Variants in SPATA6 observed in about 807,000 individuals in gnomAD.
SPATA6 encodes spermatogenesis associated 6.
A neutral mutation model predicts 65.3 loss-of-function variants in SPATA6; 56 were observed. That is an observed-to-expected ratio of 0.86 (90% CI 0.69 to 1.07). The LOEUF is 1.07. Ranked by LOEUF, SPATA6 falls within the 50% of genes least tolerant of loss-of-function variation. The probability of loss-of-function intolerance (pLI) is 0.00; values close to 1 mark genes in which losing one functional copy is unlikely to be tolerated. For missense variants in SPATA6, 590 were observed against 594.8 expected (o/e 0.99, Z 0.08); for synonymous variants, 199 against 213.2 (o/e 0.93, Z 0.58).
In SPATA6 at chr1:48,297,848, A is replaced by G. The variant is rs548321063; in HGVS notation, c.*865T>C. The G allele has an allele frequency of 6.6e-6, 1 of 151,154 alleles. No individual in the cohort carries two copies. Among genetic ancestry groups the G allele is most frequent in the Admixed American group, 6.6e-5 (1 of 15,180 alleles). 9.4% of individuals were successfully genotyped at this position (151,154 alleles called of 1,614,324 possible). Reference sequence around the variant, plus strand: ...TGTGGTTCCAAGTGTTTTTTTTTTTAAAGTGAGGATACTATAATAGTGCCT... The same window carrying G: ...TGTGGTTCCAAGTGTTTTTTTTTTTGAAGTGAGGATACTATAATAGTGCCT... On this transcript the variant is annotated 3_prime_UTR_variant, in exon 13 of 13. Transcript: ENST00000371847.
chr1:48,397,519 G>A (rs894333988), intron 7 of SPATA6, among the ~76,000 whole-genome samples: 10 of 151,526 alleles, frequency 6.6e-5, no homozygotes, highest in African/African-American at 2.2e-4. Context: ...TTGGAAGCAC[G>A]CTAATTGATT....
the SPATA6 span, among the ~76,000 whole-genome samples, chr1:48,277,542 C>T: frequency 2.6e-4 from 39 of 152,324 alleles, no homozygotes; most frequent in Middle Eastern, 3.4e-3. Context: ...GCACTTGGCT[C>T]GGAGGGTCCT....
At chr1:48,400,052 G>T (rs1651016049) in intron 6 of SPATA6, among the ~76,000 whole-genome samples, 1 of 151,894 alleles carries the variant, frequency 6.6e-6, no homozygotes, top group Non-Finnish European at 1.5e-5. Flanking sequence ...AAAAATACAT[G>T]CCAGATTAGT....
chr1:48,333,468 C>T (rs1354658475), intron 11 of SPATA6, among the ~76,000 whole-genome samples: 2 of 152,296 alleles, frequency 1.3e-5, no homozygotes, highest in East Asian at 3.9e-4. Context: ...TATCATGAGA[C>T]ACCTTGTAAT....
intron 11 of SPATA6, among the ~76,000 whole-genome samples, chr1:48,330,393 G>A (rs540383623): frequency 1.2e-4 from 19 of 152,214 alleles, no homozygotes; most frequent in Non-Finnish European, 2.1e-4. Context: ...TGGAGGGTGC[G>A]GCTTCCAGTT....
intron 1 of SPATA6, among the ~76,000 whole-genome samples, chr1:48,466,809 G>C (rs1379350327): frequency 2.0e-5 from 3 of 151,990 alleles, no homozygotes; most frequent in Non-Finnish European, 4.4e-5. Context: ...ATTCAGATGA[G>C]TAGTGACTGA....
chr1:48,281,415 G>A, the SPATA6 span, among the ~76,000 whole-genome samples: 1 of 152,118 alleles, frequency 6.6e-6, no homozygotes. Flanking sequence ...CAGATGACAT[G>A]ATTATATATC....
intron 11 of SPATA6, among the ~76,000 whole-genome samples, chr1:48,330,267 A>C (rs1191943445): frequency 6.6e-6 from 1 of 151,740 alleles, no homozygotes; most frequent in East Asian, 1.9e-4. Flanking sequence ...CTGTTGTCAC[A>C]TGAAACATCC....
intron 3 of SPATA6, among the ~76,000 whole-genome samples, chr1:48,445,211 T>C (rs183805822): frequency 2.6e-5 from 4 of 152,330 alleles, no homozygotes; most frequent in African/African-American, 9.6e-5. Context: ...CTTTATATTT[T>C]ATTTAAATGG....
At chr1:48,393,720 TG>T (rs1276479936) in intron 8 of SPATA6, among the ~76,000 whole-genome samples, 1 of 152,116 alleles carries the variant, frequency 6.6e-6, no homozygotes, top group Non-Finnish European at 1.5e-5. Context: ...TTCTGAAGAC[TG>T]AAAATTAGAA....
intron 12 of SPATA6, among the ~76,000 whole-genome samples, chr1:48,304,146 A>G (rs1645003828): frequency 6.6e-6 from 1 of 152,312 alleles, no homozygotes; most frequent in East Asian, 1.9e-4. Context: ...ATAAAACTAA[A>G]ATAATATCCT....
chr1:48,393,998 G>T (rs1233428722), intron 8 of SPATA6, among the ~76,000 whole-genome samples: 1 of 151,980 alleles, frequency 6.6e-6, no homozygotes, highest in Non-Finnish European at 1.5e-5. Context: ...TACAAATTCA[G>T]TCCATAATAA....
chr1:48,449,348 G>C (rs749492950), intron 3 of SPATA6, among the ~76,000 whole-genome samples: 1 of 152,104 alleles, frequency 6.6e-6, no homozygotes, highest in Non-Finnish European at 1.5e-5. Flanking sequence ...ATCACTAAAC[G>C]TAAAACAATC....
intron 9 of SPATA6, among the ~76,000 whole-genome samples, chr1:48,378,380 C>T (rs1436398667): frequency 1.3e-5 from 2 of 152,144 alleles, no homozygotes; most frequent in Non-Finnish European, 2.9e-5. Flanking sequence ...GCTTATATCT[C>T]TAGGGAAATA....
intron 9 of SPATA6, among the ~76,000 whole-genome samples, chr1:48,369,195 T>C (rs1051394463): frequency 6.6e-6 from 1 of 152,222 alleles, no homozygotes; most frequent in Non-Finnish European, 1.5e-5. Context: ...GGTGTCAGTC[T>C]GCCCCTACTG....
intron 7 of SPATA6, among the ~76,000 whole-genome samples, chr1:48,398,168 G>C (rs1650779774): frequency 6.6e-6 from 1 of 151,404 alleles, no homozygotes. Flanking sequence ...GTGACCAAAA[G>C]TTAAAATCAA....
chr1:48,459,624 G>C (rs1020207103), intron 1 of SPATA6, among the ~76,000 whole-genome samples: 1 of 152,014 alleles, frequency 6.6e-6, no homozygotes, highest in African/African-American at 2.4e-5. Context: ...CATTTACAGA[G>C]TACTTCATCC....
intron 1 of SPATA6, among the ~76,000 whole-genome samples, chr1:48,471,653 T>C (rs1658257962): frequency 6.6e-6 from 1 of 152,070 alleles, no homozygotes; most frequent in Non-Finnish European, 1.5e-5. Flanking sequence ...ACATACACTC[T>C]CTCTCACTGG....
At chr1:48,424,014 ATT>A (rs1237637447) in intron 3 of SPATA6, among the ~76,000 whole-genome samples, 5 of 152,150 alleles carry the variant, frequency 3.3e-5, no homozygotes, top group African/African-American at 1.2e-4. Context: ...ATCCAATTAC[ATT>A]CTTTATTTTA....
Sources: allele counts gnomAD v4.1 joint callset (sites outside exome capture counted in the v4.1 genomes callset), GRCh38; gene constraint gnomAD v4.1.1; transcripts MANE v1.5; gene names NCBI Gene and HGNC (gene_info 2026-07-23, HGNC 2026-07-21).